The following FHOD3 variants were observed in gnomAD, a reference collection of about 807,000 sequenced individuals.
The protein encoded by FHOD3 is formin homology 2 domain containing 3, also known as FH1/FH2 domain-containing protein 3.
FHOD3 carries 90 observed loss-of-function variants against 173.0 expected under a neutral mutation model. That is an observed-to-expected ratio of 0.52 (90% confidence interval 0.44 to 0.62). FHOD3 has a LOEUF of 0.62. Among genes scored for constraint, FHOD3 ranks in the 20% least tolerant of loss-of-function variants. The pLI, the probability that FHOD3 is intolerant of heterozygous loss-of-function variation, is 0.00. For synonymous variants in FHOD3, 828 were observed against 823.0 expected (o/e 1.01, Z -0.10); for missense variants, 1,945 against 2,034.7 (o/e 0.96, Z 0.85).
At chr18:36,765,284 T>G (rs2043093827) in intron 27 of FHOD3, among the ~76,000 whole-genome samples, 1 of 152,148 alleles carries the variant, frequency 6.6e-6, no homozygotes. Context: ...AGGTGGGAAG[T>G]GGACTGATTG....
chr18:36,307,660 C>G (rs1461075864), intron 1 of FHOD3, among the ~76,000 whole-genome samples: 1 of 152,204 alleles, frequency 6.6e-6, no homozygotes, highest in Non-Finnish European at 1.5e-5. Context: ...CAGCTGTCCA[C>G]TTAAACTGTG....
At chr18:36,687,511 T>A (rs899489893) in intron 16 of FHOD3, among the ~76,000 whole-genome samples, 3 of 152,194 alleles carry the variant, frequency 2.0e-5, no homozygotes, top group Non-Finnish European at 2.9e-5. Context: ...TGTCACATGG[T>A]CAGCACTCCT....
Position 36,493,185 on chromosome 18 carries a change from G to A in FHOD3, c.338-8747G>A, listed in dbSNP as rs146406699. ...ATCCCTGAAATTGTATTAACATCTT[G>A]TGTATCTGAACTTTTTCTTTTCTTT... On this transcript the variant is annotated intron_variant, in intron 3 of 28. Coordinates refer to ENST00000590592, the MANE Select transcript of FHOD3 (RefSeq NM_001281740.3). 5.0e-3 allele frequency among the ~76,000 whole-genome samples: 739 copies of A among 147,938 alleles called. 4 individuals carry two copies. Among genetic ancestry groups the A allele is most frequent in the African/African-American group, 0.018 (715 of 40,336 alleles).
intron 5 of FHOD3, among the ~76,000 whole-genome samples, chr18:36,553,498 C>A (rs1366172015): frequency 6.6e-6 from 1 of 152,064 alleles, no homozygotes; most frequent in Non-Finnish European, 1.5e-5. Flanking sequence ...AATTTCAGAG[C>A]CTGCTATTGG....
intron 9 of FHOD3, among the ~76,000 whole-genome samples, chr18:36,618,591 C>T (rs1263031699): frequency 2.0e-5 from 3 of 152,028 alleles, no homozygotes; most frequent in Admixed American, 6.5e-5. Flanking sequence ...GGATTACAGG[C>T]GTGAGCCACC....
intron 9 of FHOD3, among the ~76,000 whole-genome samples, chr18:36,613,196 A>G (rs1196366784): frequency 6.6e-6 from 1 of 152,216 alleles, no homozygotes; most frequent in Non-Finnish European, 1.5e-5. Flanking sequence ...GCCTATCACC[A>G]GTCTACCAGA....
chr18:36,334,771 A>G (rs1370787213), intron 1 of FHOD3, among the ~76,000 whole-genome samples: 1 of 152,222 alleles, frequency 6.6e-6, no homozygotes, highest in Non-Finnish European at 1.5e-5. Context: ...ACTTACTGGG[A>G]AGACTAATGG....
At chr18:36,444,140 C>CCGAGATCATGCCCCTGCCCT (rs2051323436) in intron 3 of FHOD3, among the ~76,000 whole-genome samples, 1 of 148,330 alleles carries the variant, frequency 6.7e-6, no homozygotes, top group Non-Finnish European at 1.5e-5. Context: ...TTGCAGTGAG[C>CCGAGATCATGCCCCTGCCCT]CGAGATCATG....
intron 5 of FHOD3, among the ~76,000 whole-genome samples, chr18:36,555,398 C>A (rs8098905): frequency 0.19 from 28,041 of 147,700 alleles, 2,736 homozygotes; most frequent in Admixed American, 0.26. Flanking sequence ...AAAAAAAAAA[C>A]AAAAAACATG....
chr18:36,395,146 G>GT (rs1436882936), intron 3 of FHOD3, among the ~76,000 whole-genome samples: 7 of 143,760 alleles, frequency 4.9e-5, no homozygotes, highest in Non-Finnish European at 1.1e-4. Context: ...ACTGAGAACA[G>GT]TTTAGGTTTT....
chr18:36,558,808 T>C (rs149831071), intron 5 of FHOD3, among the ~76,000 whole-genome samples: 17 of 152,334 alleles, frequency 1.1e-4, no homozygotes, highest in Non-Finnish European at 2.2e-4. Flanking sequence ...CCATGGTGTG[T>C]CATCATTGGA....
chr18:36,308,200 C>A (rs968022271), intron 1 of FHOD3, among the ~76,000 whole-genome samples: 4 of 152,142 alleles, frequency 2.6e-5, no homozygotes, highest in Non-Finnish European at 5.9e-5. Context: ...ATAATACATA[C>A]CTGCAGAAAA....
At chr18:36,305,096 A>G (rs1236039334) in intron 1 of FHOD3, among the ~76,000 whole-genome samples, 1 of 152,240 alleles carries the variant, frequency 6.6e-6, no homozygotes, top group African/African-American at 2.4e-5. Context: ...TTATGAATTA[A>G]CTGTTAAAGA....
At chr18:36,745,742 C>A (rs2042122011) in intron 23 of FHOD3, among the ~76,000 whole-genome samples, 2 of 150,248 alleles carry the variant, frequency 1.3e-5, no homozygotes, top group South Asian at 4.3e-4. Context: ...GTGCACCTCC[C>A]GCTCACCCCC....
chr18:36,607,620 C>G (rs530314115), intron 8 of FHOD3, among the ~76,000 whole-genome samples: 3 of 152,152 alleles, frequency 2.0e-5, no homozygotes, highest in Non-Finnish European at 4.4e-5. Flanking sequence ...GTGACTTTTT[C>G]AAATTTTTCT....
intron 2 of FHOD3, among the ~76,000 whole-genome samples, chr18:36,367,916 C>A (rs890464631): frequency 6.6e-6 from 1 of 151,944 alleles, no homozygotes; most frequent in African/African-American, 2.4e-5. Context: ...CCCATCCCTC[C>A]CCACCGCTTT....
At chr18:36,436,029 G>A (rs1022140291) in intron 3 of FHOD3, among the ~76,000 whole-genome samples, 6 of 152,146 alleles carry the variant, frequency 3.9e-5, no homozygotes, top group African/African-American at 1.4e-4. Flanking sequence ...TGAAAAAAAT[G>A]TCATCCAAAC....
At chr18:36,386,660 C>T (rs2048046635) in intron 3 of FHOD3, among the ~76,000 whole-genome samples, 1 of 152,192 alleles carries the variant, frequency 6.6e-6, no homozygotes, top group African/African-American at 2.4e-5. Flanking sequence ...CCATGCCAGG[C>T]TCCTGGAGGG....
chr18:36,520,942 A>T (rs1276994858), intron 5 of FHOD3, among the ~76,000 whole-genome samples: 1 of 152,210 alleles, frequency 6.6e-6, no homozygotes, highest in African/African-American at 2.4e-5. Context: ...GCTGCTGGCT[A>T]GGTGTGCCTT....
Sources: allele counts gnomAD v4.1 joint callset (sites outside exome capture counted in the v4.1 genomes callset), GRCh38; gene constraint gnomAD v4.1.1; transcripts MANE v1.5; gene names NCBI Gene and HGNC (gene_info 2026-07-23, HGNC 2026-07-21).